The following LRP1B variants were observed in gnomAD, a reference collection of about 807,000 sequenced individuals.
LRP1B encodes the protein low-density lipoprotein receptor-related protein 1B.
LRP1B carries 217 observed loss-of-function variants against 556.6 expected under a neutral mutation model. The observed-to-expected ratio is 0.39, with a 90% CI of 0.35 to 0.44. The LOEUF is 0.44. Ranked by LOEUF, LRP1B falls within the 20% of genes least tolerant of loss-of-function variation. LRP1B has a pLI of 1.00. For missense variants in LRP1B, 5,053 were observed against 5,620.8 expected, an observed-to-expected ratio of 0.90 and a Z score of 3.23; for synonymous variants, 2,047 against 1,865.8, an observed-to-expected ratio of 1.10 and a Z score of -2.50.
chr2:140,233,468 T>A (rs1191963840), intron 90 of LRP1B, 142 bp from the exon 91 acceptor site: 5 of 517,814 alleles, frequency 9.7e-6, no homozygotes, highest in Non-Finnish European at 1.6e-5. Context: ...GATTTAAAGG[T>A]TATTTACATG....
rs60275697 is a variant in LRP1B, at chr2:141,108,334, CTTTTTTTT to C, written c.1014-46069_1014-46062del. Among the ~76,000 whole-genome samples, 237 of 88,478 alleles carry C rather than the reference CTTTTTTTT, an allele frequency of 2.7e-3. 1 individual carries two copies. In the Middle Eastern group the frequency reaches 0.031, roughly 12 times the overall value. The allele number at this position is 88,478 out of a possible 152,430, so 58.0% of individuals were successfully genotyped here. ...ACAAAAATATGTTTATAATCTGTTTCTTTTTTTTTTTTTTTTTTTTTTTTTTTTTTTGA... is the reference window on the plus strand; with the variant it reads ...ACAAAAATATGTTTATAATCTGTTTCTTTTTTTTTTTTTTTTTTTTTTTGA... On this transcript the variant is annotated intron_variant, in intron 7 of 90. Coordinates refer to ENST00000389484, the MANE Select transcript of LRP1B (RefSeq NM_018557.3).
chr2:142,106,055 C>CT (rs1190404583), intron 1 of LRP1B, among the ~76,000 whole-genome samples: 9 of 152,306 alleles, frequency 5.9e-5, no homozygotes, highest in African/African-American at 1.7e-4. Context: ...AGCCCTATGT[C>CT]TACCACACTT....
At chr2:140,745,916 G>C (rs945772003) in intron 35 of LRP1B, among the ~76,000 whole-genome samples, 1 of 152,092 alleles carries the variant, frequency 6.6e-6, no homozygotes, top group Non-Finnish European at 1.5e-5. Context: ...ATATGGTAAG[G>C]CGGAAAGAGC....
chr2:140,349,649 C>T (rs1007249524), intron 77 of LRP1B, among the ~76,000 whole-genome samples: 3 of 151,992 alleles, frequency 2.0e-5, no homozygotes, highest in Non-Finnish European at 2.9e-5. Flanking sequence ...AAGATTCAAA[C>T]TCAGCCAAGG....
chr2:140,760,382 T>A lies in LRP1B; in HGVS notation c.5758+8831A>T, dbSNP rs551520223. Among the ~76,000 whole-genome samples the A allele has an allele frequency of 3.3e-5, 5 of 152,298 alleles. 1 individual carries two copies. Among genetic ancestry groups the A allele is most frequent in the Middle Eastern group, 6.8e-3 (2 of 294 alleles). On this transcript the variant is annotated intron_variant, in intron 35 of 90. Coordinates refer to ENST00000389484, the MANE Select transcript of LRP1B (RefSeq NM_018557.3). Reference sequence around the variant, plus strand: ...ATTCAACAGATACCAATATGACAACTAACAATGTTTCCAGATATTGCAAAG... The same window carrying A: ...ATTCAACAGATACCAATATGACAACAAACAATGTTTCCAGATATTGCAAAG...
chr2:140,386,734 G>A (rs1298064167), intron 66 of LRP1B, among the ~76,000 whole-genome samples: 1 of 152,174 alleles, frequency 6.6e-6, no homozygotes, highest in East Asian at 1.9e-4. Flanking sequence ...TAAAGGAAGT[G>A]TGCTTCTACT....
At chr2:140,833,614 T>C (rs537448133) in intron 31 of LRP1B, among the ~76,000 whole-genome samples, 1 of 152,184 alleles carries the variant, frequency 6.6e-6, no homozygotes, top group African/African-American at 2.4e-5. Flanking sequence ...TATGGTGAAA[T>C]TGTTTTCTTT....
chr2:142,059,227 T>A (rs150842393), intron 1 of LRP1B, among the ~76,000 whole-genome samples: 84 of 152,234 alleles, frequency 5.5e-4, no homozygotes, highest in African/African-American at 1.9e-3. Flanking sequence ...ATTGTGGGAA[T>A]GGTTACACCA....
At chr2:141,048,862 A>C (rs1192318408) in intron 11 of LRP1B, 124 bp downstream of exon 11, 4 of 732,578 alleles carry the variant, frequency 5.5e-6, no homozygotes, top group Non-Finnish European at 9.5e-6. Flanking sequence ...ACATTAAAAA[A>C]TATTTTTGAA....
chr2:140,814,066 C>A (rs1691021754), intron 31 of LRP1B, among the ~76,000 whole-genome samples: 1 of 152,112 alleles, frequency 6.6e-6, no homozygotes. Context: ...CCTCAGACTC[C>A]CAGGCTCATG....
intron 43 of LRP1B, among the ~76,000 whole-genome samples, chr2:140,558,435 A>G (rs1680811977): frequency 2.0e-5 from 3 of 152,192 alleles, no homozygotes; most frequent in Non-Finnish European, 4.4e-5. Context: ...TGAAGTATGA[A>G]TGCATGCTAC....
rs759996434 is a variant in LRP1B at position 140,701,704 on chromosome 2, C to T, written c.6427+17G>A. ...ACATAAAATATACATATTATGTATT[C>T]TTTCAAGAGTGCTGACCTTTCTCTC... On this transcript the variant is annotated intron_variant, in intron 40 of 90. Transcript: ENST00000389484. The T allele has an allele frequency of 6.2e-7, 1 of 1,603,388 alleles. No homozygotes were observed. The highest frequency in any genetic ancestry group is 8.5e-7 in the Non-Finnish European group (1 of 1,175,686).
At chr2:141,190,716 T>C (rs1022464941) in intron 6 of LRP1B, among the ~76,000 whole-genome samples, 3 of 151,930 alleles carry the variant, frequency 2.0e-5, no homozygotes, top group Non-Finnish European at 4.4e-5. Context: ...AGTCACATTT[T>C]TAACTTTTGA....
chr2:141,939,555 T>C (rs1700732014), intron 1 of LRP1B, among the ~76,000 whole-genome samples: 1 of 152,068 alleles, frequency 6.6e-6, no homozygotes, highest in Non-Finnish European at 1.5e-5. Context: ...TAATTAAAAA[T>C]TAAATTATAT....
At chr2:140,642,638 G>A (rs960305474) in intron 41 of LRP1B, among the ~76,000 whole-genome samples, 2 of 152,062 alleles carry the variant, frequency 1.3e-5, no homozygotes, top group South Asian at 2.1e-4. Context: ...TCAGGAGATC[G>A]AGACCATCCT....
intron 35 of LRP1B, among the ~76,000 whole-genome samples, chr2:140,745,234 G>A (rs1001230813): frequency 8.5e-5 from 13 of 152,058 alleles, no homozygotes; most frequent in Non-Finnish European, 1.9e-4. Context: ...TGAAACATAA[G>A]AGAAGAGTAT....
chr2:141,728,597 C>A (rs1693140921), intron 2 of LRP1B, among the ~76,000 whole-genome samples: 1 of 152,094 alleles, frequency 6.6e-6, no homozygotes, highest in Admixed American at 6.6e-5. Context: ...GATCCACAGA[C>A]TTATTCCTGA....
rs1686323097 is a variant in LRP1B, at chr2:141,566,161, A to C, written c.206-85628T>G. Among the ~76,000 whole-genome samples, 2 of 151,796 alleles carry C rather than the reference A, an allele frequency of 1.3e-5. 1 individual carries two copies. Among genetic ancestry groups the C allele is most frequent in the South Asian group, 4.2e-4 (2 of 4,812 alleles). On this transcript the variant is annotated intron_variant, in intron 2 of 90. Transcript: ENST00000389484. ...CCCACTAAGCCACATTTCAGGAAAA[A>C]AAAAAAGAAAAAAGAACTAGCAAGG...
chr2:141,720,190 G>A (rs1692763638), intron 2 of LRP1B, among the ~76,000 whole-genome samples: 1 of 152,086 alleles, frequency 6.6e-6, no homozygotes. Context: ...GTCAATTTTA[G>A]CAAACCCTGC....
Sources: allele counts gnomAD v4.1 joint callset (sites outside exome capture counted in the v4.1 genomes callset), GRCh38; gene constraint gnomAD v4.1.1; transcripts MANE v1.5; gene names NCBI Gene and HGNC (gene_info 2026-07-23, HGNC 2026-07-21).